The following KIF4A variants were observed in gnomAD, a reference collection of about 807,000 sequenced individuals.
The protein encoded by KIF4A is chromosome-associated kinesin KIF4A.
Under a neutral mutation model 105.9 loss-of-function variants are expected in KIF4A, and 7 were observed. The ratio of observed to expected loss-of-function variants is 0.07; its 90% CI spans 0.04 to 0.12. The LOEUF (loss-of-function observed/expected upper bound fraction) is 0.12, where lower values mean the gene tolerates loss of function less well. Among genes scored for constraint, KIF4A ranks in the 10% least tolerant of loss-of-function variants. The probability of loss-of-function intolerance (pLI) is 1.00; values close to 1 mark genes in which losing one functional copy is unlikely to be tolerated. For synonymous variants in KIF4A, 281 were observed against 331.3 expected (o/e 0.85, Z 1.65); for missense variants, 558 against 929.2 (o/e 0.60, Z 5.19).
At chrX:70,390,724 A>G (rs193129597) in intron 20 of KIF4A, among the ~76,000 whole-genome samples, 12 of 111,814 alleles carry the variant, frequency 1.1e-4, no homozygotes, top group Non-Finnish European at 2.1e-4. Flanking sequence ...AACAATCAAG[A>G]TACAGAATAG....
Position 70,341,851 on chromosome X carries a change from G to C in KIF4A, c.1186G>C (p.Val396Leu), listed in dbSNP as rs1334183190. The change falls in exon 11 of 31, where the codon GTA becomes CTA. Residue 396 changes from valine (V) to leucine (L), a missense_variant. By Grantham distance (32) the Val-to-Leu change is conservative (BLOSUM62 1). Transcript: ENST00000374403. ...QSLMEKNQSL[V>L]EENEKLSRGL... is the part of the protein sequence containing the mutation. ...CCTGATGGAGAAGAATCAGTCCCTG[G>C]TAGAGGAGAATGAAAAATTAAGTCG... is the stretch of plus-strand genomic sequence containing the variant. The C allele has an allele frequency of 1.7e-6, 2 of 1,211,493 alleles. No individual in the cohort carries two copies. Among genetic ancestry groups the C allele is most frequent in the Admixed American group, 4.3e-5 (2 of 46,020 alleles).
chrX:70,366,404 T>C (rs1366359703), intron 15 of KIF4A, among the ~76,000 whole-genome samples: 1 of 112,163 alleles, frequency 8.9e-6, no homozygotes, highest in Non-Finnish European at 1.9e-5. Flanking sequence ...TAAATTTCCC[T>C]CTACACACTG....
chrX:70,377,728 G>A (rs2086180552), intron 18 of KIF4A, among the ~76,000 whole-genome samples: 1 of 112,358 alleles, frequency 8.9e-6, no homozygotes, highest in African/African-American at 3.2e-5. Flanking sequence ...CTGATGTCAG[G>A]AGTTCAAGAC....
At chrX:70,357,721 C>G (rs767747863) in intron 15 of KIF4A, among the ~76,000 whole-genome samples, 6 of 112,191 alleles carry the variant, frequency 5.3e-5, no homozygotes, top group Non-Finnish European at 1.1e-4. Context: ...ATTTTGAAGG[C>G]CTTGCTCCAT....
At chrX:70,366,736 G>A (rs1044433650) in intron 15 of KIF4A, among the ~76,000 whole-genome samples, 17 of 111,956 alleles carry the variant, frequency 1.5e-4, no homozygotes, top group Admixed American at 1.3e-3. Flanking sequence ...GTTGATTTGG[G>A]ATGGAGAGTT....
chrX:70,314,319 C>T (rs897052534), intron 7 of KIF4A, among the ~76,000 whole-genome samples: 2 of 111,860 alleles, frequency 1.8e-5, no homozygotes, highest in Non-Finnish European at 3.8e-5. Context: ...GGATATGGCC[C>T]GGCAGAATAT....
At chrX:70,319,704 G>A (rs1021270190) in intron 7 of KIF4A, among the ~76,000 whole-genome samples, 69 of 112,625 alleles carry the variant, frequency 6.1e-4, no homozygotes, top group African/African-American at 2.2e-3. Flanking sequence ...AAATAGAAAA[G>A]TAGACCTACC....
chrX:70,321,682 A>C (rs1197808074), intron 7 of KIF4A, among the ~76,000 whole-genome samples: 1 of 111,438 alleles, frequency 9.0e-6, no homozygotes, highest in African/African-American at 3.3e-5. Context: ...AAGCATACTA[A>C]TATTTCCCCA....
chrX:70,364,490 A>C (rs1413389585), intron 15 of KIF4A, among the ~76,000 whole-genome samples: 1 of 108,267 alleles, frequency 9.2e-6, no homozygotes, highest in African/African-American at 3.4e-5. Flanking sequence ...CCATTTATTA[A>C]ATAGGGAATC....
chrX:70,326,335 C>T (rs1027159061), intron 7 of KIF4A, among the ~76,000 whole-genome samples: 1 of 111,957 alleles, frequency 8.9e-6, no homozygotes, highest in Non-Finnish European at 1.9e-5. Flanking sequence ...CAGTGGCACA[C>T]ATACCCCACT....
intron 23 of KIF4A, among the ~76,000 whole-genome samples, chrX:70,403,584 C>T (rs1602809164): frequency 8.9e-6 from 1 of 112,860 alleles, no homozygotes; most frequent in Admixed American, 9.4e-5. Context: ...TTTATTCTTG[C>T]CTTGAGGCAG....
At chrX:70,323,732 C>T (rs1028896881) in intron 7 of KIF4A, among the ~76,000 whole-genome samples, 13 of 111,538 alleles carry the variant, frequency 1.2e-4, no homozygotes, top group Non-Finnish European at 2.4e-4. Flanking sequence ...ATTTTAAAAA[C>T]ACATTTTTAA....
intron 8 of KIF4A, among the ~76,000 whole-genome samples, chrX:70,329,901 C>T (rs2085924019): frequency 9.0e-6 from 1 of 111,307 alleles, no homozygotes; most frequent in Admixed American, 9.6e-5. Context: ...AGGCCAGGCC[C>T]CAGTTGTTTT....
chrX:70,352,671 C>A lies in KIF4A; in HGVS notation c.1488+15C>A. The stretch of plus-strand genomic sequence containing the variant: ...AGCAAGAAGCCGTAAGTAATTGGCC[C>A]CTTTGTGTAGAACCAGGAGCTCTAA... On this transcript the variant is annotated intron_variant, in intron 14 of 30. Coordinates refer to ENST00000374403, the MANE Select transcript of KIF4A (RefSeq NM_012310.5). The A allele has an allele frequency of 2.6e-6, 3 of 1,142,170 alleles. No individual in the cohort carries two copies. Among genetic ancestry groups the A allele is most frequent in the Non-Finnish European group, 3.6e-6 (3 of 838,380 alleles). 94.1% of individuals were successfully genotyped at this position (1,142,170 alleles called of 1,213,427 possible).
In KIF4A at chrX:70,396,066, C is replaced by T; in HGVS notation, c.2489+17C>T. ...GGAATTCAGGTAACAGGGACTATCT[C>T]TAAGCCATTATAAAAATTTATGCCT... On this transcript the variant is annotated intron_variant, in intron 22 of 30. Transcript: ENST00000374403. 1 of 1,084,363 alleles carries T rather than the reference C, an allele frequency of 9.2e-7. No individual in the cohort carries two copies. The highest frequency in any genetic ancestry group is 1.3e-6 in the Non-Finnish European group (1 of 793,165). 89.4% of individuals were successfully genotyped at this position (1,084,363 alleles called of 1,213,427 possible).
At chrX:70,394,333 A>T (rs1299300883) in intron 20 of KIF4A, among the ~76,000 whole-genome samples, 1 of 109,736 alleles carries the variant, frequency 9.1e-6, no homozygotes, top group African/African-American at 3.3e-5. Flanking sequence ...TCTCCCGACT[A>T]GCTGAGACTA....
intron 7 of KIF4A, among the ~76,000 whole-genome samples, chrX:70,304,427 T>G (rs1339969596): frequency 3.8e-4 from 40 of 104,157 alleles, no homozygotes; most frequent in Non-Finnish European, 6.1e-4. Flanking sequence ...TATAGCAGCA[T>G]GATTTATAGT....
At chrX:70,295,927 A>G in intron 3 of KIF4A, among the ~76,000 whole-genome samples, 1 of 74,001 alleles carries the variant, frequency 1.4e-5, no homozygotes, top group East Asian at 5.1e-4. Flanking sequence ...AAAAAAAAAA[A>G]AAAATTTACC....
At chrX:70,334,471 G>A (rs189923071) in intron 10 of KIF4A, among the ~76,000 whole-genome samples, 1 of 111,954 alleles carries the variant, frequency 8.9e-6, no homozygotes, top group East Asian at 2.8e-4. Context: ...TTCTCCAACA[G>A]TAAGAAACCC....
Sources: allele counts gnomAD v4.1 joint callset (sites outside exome capture counted in the v4.1 genomes callset), GRCh38; gene constraint gnomAD v4.1.1; transcripts MANE v1.5; gene names NCBI Gene and HGNC (gene_info 2026-07-23, HGNC 2026-07-21).